RABL3: variants seen among roughly 807,000 people sequenced by gnomAD.
RABL3 encodes RAB, member of RAS oncogene family like 3.
RABL3 carries 31 observed loss-of-function variants against 31.8 expected under a neutral mutation model. The ratio of observed to expected loss-of-function variants is 0.97; its 90% CI spans 0.73 to 1.31. The LOEUF (loss-of-function observed/expected upper bound fraction) is 1.31. Among genes scored for constraint, RABL3 ranks in the 40% most tolerant of loss-of-function variants. RABL3 has a pLI of 0.00. For missense variants in RABL3, 263 were observed against 279.6 expected (o/e 0.94, Z 0.42); for synonymous variants, 97 against 99.9 (o/e 0.97, Z 0.18).
chr3:120,724,700 A>G (rs960316089), intron 2 of RABL3, among the ~76,000 whole-genome samples: 1 of 152,226 alleles, frequency 6.6e-6, no homozygotes, highest in African/African-American at 2.4e-5. Context: ...GAAATGGGGA[A>G]AGGATTCCCT....
intron 2 of RABL3, chr3:120,722,617 A>G (rs959359208): frequency 6.6e-6 from 1 of 152,240 alleles, no homozygotes; most frequent in Non-Finnish European, 1.5e-5. Context: ...GGCTAACACT[A>G]GCATCACAGA....
intron 3 of RABL3, among the ~76,000 whole-genome samples, chr3:120,707,446 G>A (rs1287357954): frequency 6.6e-6 from 1 of 152,120 alleles, no homozygotes; most frequent in South Asian, 2.1e-4. Flanking sequence ...TGCTTTACAT[G>A]TGTTATCTAA....
At chr3:120,735,622 T>C (rs559853500) in intron 1 of RABL3, among the ~76,000 whole-genome samples, 56 of 152,250 alleles carry the variant, frequency 3.7e-4, no homozygotes, top group African/African-American at 1.0e-3. Flanking sequence ...CTCTAGTTCT[T>C]TTAATTGTGA....
intron 4 of RABL3, among the ~76,000 whole-genome samples, chr3:120,703,400 A>C (rs1420452901): frequency 1.3e-5 from 2 of 152,188 alleles, no homozygotes; most frequent in African/African-American, 4.8e-5. Context: ...TGAAAATAAA[A>C]GTAATACATT....
intron 2 of RABL3, among the ~76,000 whole-genome samples, chr3:120,710,786 A>G (rs1708604532): frequency 6.6e-6 from 1 of 152,126 alleles, no homozygotes; most frequent in Admixed American, 6.6e-5. Flanking sequence ...TCTAAAAAAA[A>G]TCCTTCTCTT....
intron 2 of RABL3, among the ~76,000 whole-genome samples, chr3:120,714,668 T>C (rs1251583038): frequency 6.6e-6 from 1 of 152,214 alleles, no homozygotes; most frequent in Non-Finnish European, 1.5e-5. Context: ...TCCATTGCAC[T>C]TTCAAAGGTC....
At chr3:120,737,706 G>A (rs1708988438) in intron 1 of RABL3, among the ~76,000 whole-genome samples, 1 of 152,130 alleles carries the variant, frequency 6.6e-6, no homozygotes, top group African/African-American at 2.4e-5. Flanking sequence ...GTTTTGTTGT[G>A]GATGTCCTTT....
In RABL3 at chr3:120,688,718, T is replaced by A. The variant is rs1052826564; in HGVS notation, c.*1105A>T. 1 of 152,112 alleles carries A rather than the reference T, an allele frequency of 6.6e-6. No homozygotes were observed. The highest frequency in any genetic ancestry group is 1.5e-5 in the Non-Finnish European group (1 of 68,040). 9.4% of individuals were successfully genotyped at this position (152,112 alleles called of 1,614,324 possible). On this transcript the variant is annotated 3_prime_UTR_variant, in exon 8 of 8. Transcript: ENST00000273375. ...ATTGTTTTTAGAAATCAAATTCATA[T>A]ACTCAGGAAGAACTGGGGCAGAGAA...
chr3:120,705,671 T>G (rs139872958), intron 4 of RABL3, among the ~76,000 whole-genome samples: 72 of 152,254 alleles, frequency 4.7e-4, no homozygotes, highest in Middle Eastern at 3.4e-3. Context: ...CTATAAAACT[T>G]AAAATGTTTT....
intron 2 of RABL3, among the ~76,000 whole-genome samples, chr3:120,720,034 C>A (rs1414314250): frequency 6.6e-6 from 1 of 152,192 alleles, no homozygotes; most frequent in East Asian, 1.9e-4. Context: ...CACCAATATC[C>A]GCCATTCTAT....
At chr3:120,740,503 C>A (rs1709028119) in intron 1 of RABL3, among the ~76,000 whole-genome samples, 1 of 152,142 alleles carries the variant, frequency 6.6e-6, no homozygotes, top group Non-Finnish European at 1.5e-5. Flanking sequence ...CTCAAGCAAT[C>A]CACCCGCCTC....
intron 1 of RABL3, among the ~76,000 whole-genome samples, chr3:120,735,550 T>C (rs1456454376): frequency 1.3e-5 from 2 of 152,170 alleles, no homozygotes; most frequent in African/African-American, 4.8e-5. Flanking sequence ...GTCCTTCAGT[T>C]CTGCTCTGAT....
chr3:120,712,546 C>T (rs974119045), intron 2 of RABL3, among the ~76,000 whole-genome samples: 1 of 152,052 alleles, frequency 6.6e-6, no homozygotes. Context: ...TCCTACCTTC[C>T]TTCTGGGCCC....
intron 2 of RABL3, among the ~76,000 whole-genome samples, chr3:120,726,098 G>A (rs1354385294): frequency 1.3e-5 from 2 of 152,072 alleles, no homozygotes; most frequent in African/African-American, 2.4e-5. Flanking sequence ...TTACAGGCAT[G>A]AGCCACCATG....
At chr3:120,721,148 C>A (rs1261893174) in intron 2 of RABL3, among the ~76,000 whole-genome samples, 3 of 152,172 alleles carry the variant, frequency 2.0e-5, no homozygotes, top group Non-Finnish European at 4.4e-5. Context: ...GAGATTCTGT[C>A]ACCACCAGGC....
chr3:120,694,328 AG>A, intron 5 of RABL3, 104 bp from the exon 6 acceptor site: 1 of 679,570 alleles, frequency 1.5e-6, no homozygotes. Context: ...TAATACTATT[AG>A]GCACAATACT....
chr3:120,715,878 C>G (rs2107585994), intron 2 of RABL3, among the ~76,000 whole-genome samples: 1 of 152,216 alleles, frequency 6.6e-6, no homozygotes, highest in South Asian at 2.1e-4. Context: ...TCATGTAGTG[C>G]CTCTGTGCTT....
chr3:120,706,264 A>T (rs1708547387), intron 3 of RABL3, 150 bp from the exon 4 acceptor site: 1 of 580,926 alleles, frequency 1.7e-6, no homozygotes, highest in Non-Finnish European at 3.0e-6. Flanking sequence ...AATTATTTTA[A>T]AATTTTCTCT....
At chr3:120,719,589 G>T (rs1708712369) in intron 2 of RABL3, among the ~76,000 whole-genome samples, 1 of 152,224 alleles carries the variant, frequency 6.6e-6, no homozygotes, top group African/African-American at 2.4e-5. Context: ...CGCCCACGAA[G>T]CCTCGCTCAT....
Sources: gnomAD v4.1 joint callset for allele counts (sites outside exome capture counted in the v4.1 genomes callset) on GRCh38, gnomAD v4.1.1 for gene constraint, MANE v1.5 for transcripts, NCBI Gene and HGNC (gene_info 2026-07-23, HGNC 2026-07-21) for gene names.